Variants in NOTCH1 observed in about 807,000 individuals in gnomAD.
The protein encoded by NOTCH1 is neurogenic locus notch homolog protein 1.
A neutral mutation model predicts 254.8 loss-of-function variants in NOTCH1; 37 were observed. The ratio of observed to expected loss-of-function variants is 0.15; its 90% CI spans 0.11 to 0.19. The LOEUF (loss-of-function observed/expected upper bound fraction) is 0.19. Among genes scored for constraint, NOTCH1 ranks in the 10% least tolerant of loss-of-function variants. The pLI, the probability that NOTCH1 is intolerant of heterozygous loss-of-function variation, is 1.00. For missense variants in NOTCH1, 2,972 were observed against 3,708.6 expected (o/e 0.80, Z 5.16); for synonymous variants, 1,731 against 1,618.1 (o/e 1.07, Z -1.68).
In NOTCH1 at chr9:136,545,879, G is replaced by T; in HGVS notation, c.-93C>A. 1.6e-6 allele frequency: 1 copy of T among 612,658 alleles called. No homozygotes were observed. The highest frequency in any genetic ancestry group is 2.2e-6 in the Non-Finnish European group (1 of 458,086). The allele number at this position is 612,658 out of a possible 1,614,324, so 38.0% of individuals were successfully genotyped here. A position where few individuals can be genotyped will look rare whatever the true frequency, so the allele number is the denominator to read the frequency against. On this transcript the variant is annotated 5_prime_UTR_variant, in exon 1 of 34. Coordinates refer to ENST00000651671, the MANE Select transcript of NOTCH1 (RefSeq NM_017617.5). The surrounding 1 kb of genome is among the most constrained non-coding windows in gnomAD (Gnocchi z 6.8). Reference sequence around the variant, plus strand: ...CACACGCGCGGCGTACGGTCCCGGGGCGGCGGCGGACGGTCCCGCCCTCTC... The same window carrying T: ...CACACGCGCGGCGTACGGTCCCGGGTCGGCGGCGGACGGTCCCGCCCTCTC...
rs2133318604 is a variant in NOTCH1 at position 136,497,303 on chromosome 9, G to A, written c.6436C>T (p.Leu2146=). ...TGCACGCCGGGCTTGAGGCTGCCCA[G>A]GTAGCCGTTGGGCGAGCAGAGCGGG... The part of the protein sequence containing the change: ...SPPLCSPNGY[L]GSLKPGVQGK... Residue 2146 remains leucine (L), a synonymous_variant, in exon 34 of 34, where the codon CTG becomes TTG. Coordinates refer to ENST00000651671, the MANE Select transcript of NOTCH1 (RefSeq NM_017617.5). 1 of 1,607,820 alleles carries A rather than the reference G, an allele frequency of 6.2e-7. No homozygotes were observed.
chr9:136,538,535 A>G (rs1426585102), intron 2 of NOTCH1, among the ~76,000 whole-genome samples: 2 of 152,172 alleles, frequency 1.3e-5, no homozygotes, highest in Non-Finnish European at 2.9e-5. Flanking sequence ...TGCCTGGGAA[A>G]CTCGAGGCCG....
chr9:136,544,564 G>A (rs1843783487), intron 1 of NOTCH1, among the ~76,000 whole-genome samples: 1 of 152,136 alleles, frequency 6.6e-6, no homozygotes, highest in South Asian at 2.1e-4. Flanking sequence ...TGGACGGGGG[G>A]AGGGGGGGTG....
In NOTCH1 at chr9:136,511,183, G is replaced by C; in HGVS notation, c.2556C>G (p.Ser852Arg). 6.2e-7 allele frequency: 1 copy of C among 1,612,902 alleles called. No individual in the cohort carries two copies. The highest frequency in any genetic ancestry group is 1.1e-5 in the South Asian group (1 of 91,084). ...GECRQSEDYE[S>R]FSCVCPTGWQ... ...AGCCCGTGGGGCAGACACAGGAGAA[G>C]CTCTCATAGTCCTCGGATTGCCTGC... is the stretch of plus-strand genomic sequence containing the variant. The change falls in exon 16 of 34, where the codon AGC (serine) becomes AGG (arginine). Residue 852 changes from serine (S) to arginine (R), a missense_variant. Ser to Arg is a moderately radical substitution (Grantham distance 110). Around this residue, in one of 8 missense-constraint regions of NOTCH1, gnomAD observed 1,343 missense variants for 1,557.0 expected, o/e 0.86. Coordinates refer to ENST00000651671, the MANE Select transcript of NOTCH1 (RefSeq NM_017617.5).
chr9:136,521,868 A>T (rs1843371217), intron 4 of NOTCH1, among the ~76,000 whole-genome samples: 1 of 152,074 alleles, frequency 6.6e-6, no homozygotes, highest in South Asian at 2.1e-4. Flanking sequence ...TGGGTCAGCC[A>T]GGACCCTGTG....
intron 33 of NOTCH1, 31 bp from the exon 34 acceptor site, chr9:136,497,589 G>A (rs763279088): frequency 1.3e-6 from 2 of 1,535,042 alleles, no homozygotes; most frequent in Non-Finnish European, 8.8e-7. Flanking sequence ...CCGGTGAGGG[G>A]GGCCAGGCCA....
intron 2 of NOTCH1, among the ~76,000 whole-genome samples, chr9:136,538,303 C>T (rs1416792082): frequency 1.3e-5 from 2 of 152,080 alleles, no homozygotes; most frequent in South Asian, 4.2e-4. Context: ...CCAGCTGGGG[C>T]GACCACCGAG....
At chr9:136,507,252 C>T in intron 22 of NOTCH1, 53 bp downstream of exon 22, 2 of 1,612,202 alleles carry the variant, frequency 1.2e-6, no homozygotes, top group East Asian at 2.2e-5. Flanking sequence ...CCTGCCCTGC[C>T]CCTGCCCTGG....
intron 30 of NOTCH1, 29 bp downstream of exon 30, chr9:136,501,719 A>G (rs780368769): frequency 3.1e-6 from 5 of 1,607,956 alleles, no homozygotes; most frequent in Admixed American, 1.7e-5. Flanking sequence ...CCACGGGGCT[A>G]GGGAAGCCCT....
rs187086513 is a variant in NOTCH1, at chr9:136,514,495, G to A, written c.2207+15C>T. 225 of 1,558,106 alleles carry A rather than the reference G, an allele frequency of 1.4e-4. 2 individuals are homozygous for A. The Middle Eastern group carries it at 3.3e-3, about 23-fold the overall frequency. ...TTAGGACTGATGTGTCCCCATGATCGGCCCCGCCGCATACCCGTTGAGGCT... is the reference window on the plus strand; with the variant it reads ...TTAGGACTGATGTGTCCCCATGATCAGCCCCGCCGCATACCCGTTGAGGCT... On this transcript the variant is annotated intron_variant, in intron 13 of 33. Coordinates refer to ENST00000651671, the MANE Select transcript of NOTCH1 (RefSeq NM_017617.5).
intron 2 of NOTCH1, among the ~76,000 whole-genome samples, chr9:136,529,385 A>G (rs1274641011): frequency 1.3e-5 from 2 of 152,200 alleles, no homozygotes; most frequent in Non-Finnish European, 2.9e-5. Context: ...TCCCTTGGGT[A>G]GAGGCTAGAC....
At chr9:136,521,012 C>T (rs2133374878) in intron 4 of NOTCH1, among the ~76,000 whole-genome samples, 1 of 152,332 alleles carries the variant, frequency 6.6e-6, no homozygotes, top group Admixed American at 6.5e-5. Context: ...CCCCAAATCC[C>T]AGCCAGTTCC....
chr9:136,539,110 C>A (rs1843695978), intron 2 of NOTCH1, among the ~76,000 whole-genome samples: 1 of 152,256 alleles, frequency 6.6e-6, no homozygotes, highest in Admixed American at 6.5e-5. Flanking sequence ...CAGCTCTGCC[C>A]TGTGGAAGCA....
chr9:136,505,164 G>A lies in NOTCH1; in HGVS notation c.4587-60C>T, dbSNP rs562269978. ...TCGGGGGGCCTCGCACCCGCCGTCC[G>A]GTGCCTCCAGCCCACTGGCCAGCCG... On this transcript the variant is annotated intron_variant, in intron 25 of 33. Transcript: ENST00000651671. 1.1e-4 allele frequency: 166 copies of A among 1,560,498 alleles called. No homozygotes were observed. In the African/African-American group the frequency reaches 1.5e-3, roughly 14 times the overall value.
intron 30 of NOTCH1, 139 bp downstream of exon 30, chr9:136,501,609 G>C: frequency 9.4e-7 from 1 of 1,066,320 alleles, no homozygotes; most frequent in East Asian, 2.6e-5. Flanking sequence ...TACTCTGAAT[G>C]GGAAACACCC....
intron 22 of NOTCH1, 83 bp downstream of exon 22, chr9:136,507,222 C>A: frequency 6.2e-7 from 1 of 1,605,136 alleles, no homozygotes; most frequent in Non-Finnish European, 8.5e-7. Flanking sequence ...TCCTGGATGC[C>A]TCTGGCCGGT....
intron 26 of NOTCH1, among the ~76,000 whole-genome samples, chr9:136,504,354 C>G (rs1489703657): frequency 6.6e-6 from 1 of 152,212 alleles, no homozygotes; most frequent in African/African-American, 2.4e-5. Context: ...GAGTTTTAAT[C>G]AGTGTAGTAT....
At chr9:136,519,683 C>T (rs1843336465) in intron 4 of NOTCH1, 118 bp from the exon 5 acceptor site, 1 of 1,515,512 alleles carries the variant, frequency 6.6e-7, no homozygotes, top group African/African-American at 1.4e-5. Flanking sequence ...GCCCTGGGGC[C>T]CCCGGGGTCT....
At chr9:136,517,672 C>T (rs1843298019) in intron 8 of NOTCH1, 80 bp downstream of exon 8, 1 of 1,554,186 alleles carries the variant, frequency 6.4e-7, no homozygotes, top group Non-Finnish European at 8.8e-7. Flanking sequence ...GCGGAAGCAA[C>T]CCACAGATGT....
Sources: gnomAD v4.1 joint callset for allele counts (sites outside exome capture counted in the v4.1 genomes callset) on GRCh38, gnomAD v4.1.1 for gene constraint, gnomAD v4.1.1 regional missense constraint, Gnocchi (gnomAD v3.1) non-coding constraint, MANE v1.5 for transcripts, NCBI Gene and HGNC (gene_info 2026-07-23, HGNC 2026-07-21) for gene names.